The following FAF1 variants were observed in gnomAD, a reference collection of about 807,000 sequenced individuals.
The protein encoded by FAF1 is FAS-associated factor 1.
Under a neutral mutation model 92.5 loss-of-function variants are expected in FAF1, and 25 were observed. That is an observed-to-expected ratio of 0.27 (90% CI 0.20 to 0.38). The LOEUF (loss-of-function observed/expected upper bound fraction) is 0.38. FAF1 is among the 10% of genes least tolerant of loss of function. The pLI, the probability that FAF1 is intolerant of heterozygous loss-of-function variation, is 1.00. For missense variants in FAF1, 636 were observed against 793.3 expected (o/e 0.80, Z 2.38); for synonymous variants, 234 against 273.2 (o/e 0.86, Z 1.42).
chr1:50,649,246 G>A (rs533918717), intron 8 of FAF1, among the ~76,000 whole-genome samples: 3 of 151,984 alleles, frequency 2.0e-5, no homozygotes, highest in East Asian at 1.9e-4. Context: ...TCCGCCTTCC[G>A]GGTTCAAGCA....
At chr1:50,959,144 G>A (rs1645295059) in intron 1 of FAF1, among the ~76,000 whole-genome samples, 1 of 152,104 alleles carries the variant, frequency 6.6e-6, no homozygotes, top group Non-Finnish European at 1.5e-5. Flanking sequence ...AATATGAATA[G>A]GTAATTTATT....
At chr1:50,783,969 A>G (rs1661272515) in intron 4 of FAF1, among the ~76,000 whole-genome samples, 1 of 152,208 alleles carries the variant, frequency 6.6e-6, no homozygotes, top group Non-Finnish European at 1.5e-5. Flanking sequence ...TCAATAAACA[A>G]AAAGCTTTTG....
intron 13 of FAF1, among the ~76,000 whole-genome samples, chr1:50,549,569 G>T (rs913289132): frequency 6.6e-6 from 1 of 152,096 alleles, no homozygotes; most frequent in African/African-American, 2.4e-5. Context: ...CACGAGGTCA[G>T]TTCAAGACCA....
intron 6 of FAF1, among the ~76,000 whole-genome samples, chr1:50,728,176 C>T (rs372340511): frequency 2.5e-4 from 38 of 152,062 alleles, no homozygotes; most frequent in Non-Finnish European, 4.1e-4. Context: ...GAGGGTATAA[C>T]AGAGGGGCTG....
intron 7 of FAF1, among the ~76,000 whole-genome samples, chr1:50,677,189 TATC>T (rs1287990428): frequency 1.3e-5 from 2 of 152,148 alleles, no homozygotes; most frequent in East Asian, 3.9e-4. Context: ...TAAAACAAGG[TATC>T]ATTCTCACCT....
chr1:50,510,145 G>A lies in FAF1; in HGVS notation c.1495-18344C>T, dbSNP rs1025126680. Reference sequence around the variant, plus strand: ...GGCACCACTGCACTCTAGCCTGGGTGACAGAACGAGACTCTGTCTCAAAAA... The same window carrying A: ...GGCACCACTGCACTCTAGCCTGGGTAACAGAACGAGACTCTGTCTCAAAAA... On this transcript the variant is annotated intron_variant, in intron 15 of 18. Coordinates refer to ENST00000396153, the MANE Select transcript of FAF1 (RefSeq NM_007051.3). Among the ~76,000 whole-genome samples the A allele has an allele frequency of 2.9e-5, 4 of 139,176 alleles. No homozygotes were observed. The Admixed American group carries it at 3.1e-4, about 11-fold the overall frequency. The allele number at this position is 139,176 out of a possible 152,430, so 91.3% of individuals were successfully genotyped here.
intron 8 of FAF1, among the ~76,000 whole-genome samples, chr1:50,652,838 A>G (rs1489538169): frequency 6.6e-6 from 1 of 152,134 alleles, no homozygotes; most frequent in Non-Finnish European, 1.5e-5. Context: ...CTTTTTTTGC[A>G]GTTATCTTAA....
intron 1 of FAF1, among the ~76,000 whole-genome samples, chr1:50,907,954 TTGTGATGTTAGGGTG>T (rs1392543255): frequency 2.0e-5 from 3 of 152,176 alleles, no homozygotes; most frequent in Non-Finnish European, 2.9e-5. Flanking sequence ...GTTCTTTTAA[TTGTGATGTTAGGGTG>T]TCAATTTTAG....
chr1:50,455,226 A>G (rs1646337267), intron 18 of FAF1, among the ~76,000 whole-genome samples: 1 of 152,256 alleles, frequency 6.6e-6, no homozygotes, highest in Non-Finnish European at 1.5e-5. Context: ...AATTTTCCCT[A>G]AACTGCTGTT....
chr1:50,799,538 T>C (rs1661894374), intron 3 of FAF1, among the ~76,000 whole-genome samples: 1 of 152,118 alleles, frequency 6.6e-6, no homozygotes, highest in Non-Finnish European at 1.5e-5. Flanking sequence ...AGATTGCAGA[T>C]AATTAGTACA....
intron 4 of FAF1, among the ~76,000 whole-genome samples, chr1:50,757,473 T>C (rs1229025751): frequency 6.6e-6 from 1 of 152,228 alleles, no homozygotes; most frequent in Non-Finnish European, 1.5e-5. Context: ...GTCTTCTTGA[T>C]GAATCTACAG....
chr1:50,909,131 T>C (rs990558479), intron 1 of FAF1, among the ~76,000 whole-genome samples: 3 of 152,210 alleles, frequency 2.0e-5, no homozygotes, highest in Non-Finnish European at 2.9e-5. Context: ...CCTACACTTA[T>C]GAAGCTTAGT....
intron 2 of FAF1, among the ~76,000 whole-genome samples, chr1:50,825,837 A>T (rs950730145): frequency 6.6e-6 from 1 of 152,176 alleles, no homozygotes; most frequent in African/African-American, 2.4e-5. Context: ...AACAAAGTGG[A>T]GTTAAGCTAG....
chr1:50,520,194 T>C (rs1226596643), intron 15 of FAF1, among the ~76,000 whole-genome samples: 1 of 152,198 alleles, frequency 6.6e-6, no homozygotes, highest in Non-Finnish European at 1.5e-5. Flanking sequence ...TCATACCATA[T>C]TGCAAGTACC....
At chr1:50,711,098 C>A (rs921350047) in intron 6 of FAF1, among the ~76,000 whole-genome samples, 7 of 151,812 alleles carry the variant, frequency 4.6e-5, no homozygotes, top group African/African-American at 1.7e-4. Flanking sequence ...TTAGTAGAGA[C>A]GGGGTTTCAC....
chr1:50,762,998 G>A (rs1660392313), intron 4 of FAF1, among the ~76,000 whole-genome samples: 1 of 152,114 alleles, frequency 6.6e-6, no homozygotes, highest in Non-Finnish European at 1.5e-5. Context: ...GCTCATACCT[G>A]TAATCCCAGC....
intron 7 of FAF1, among the ~76,000 whole-genome samples, chr1:50,697,520 A>G (rs990517201): frequency 9.9e-5 from 15 of 152,228 alleles, no homozygotes; most frequent in African/African-American, 3.6e-4. Context: ...GGCCGTATAT[A>G]GGAACAGCTG....
At chr1:50,464,227 G>A (rs1188813295) in intron 18 of FAF1, among the ~76,000 whole-genome samples, 2 of 152,006 alleles carry the variant, frequency 1.3e-5, no homozygotes, top group Non-Finnish European at 2.9e-5. Flanking sequence ...GGCTGGTCTT[G>A]AACTCCTGGG....
intron 7 of FAF1, among the ~76,000 whole-genome samples, chr1:50,675,094 T>A (rs565997591): frequency 6.6e-6 from 1 of 152,332 alleles, no homozygotes; most frequent in Non-Finnish European, 1.5e-5. Flanking sequence ...TTTCGCCATG[T>A]TGGCCAGGCT....
Sources: gnomAD v4.1 joint callset for allele counts (sites outside exome capture counted in the v4.1 genomes callset) on GRCh38, gnomAD v4.1.1 for gene constraint, MANE v1.5 for transcripts, NCBI Gene and HGNC (gene_info 2026-07-23, HGNC 2026-07-21) for gene names.